Variants in OR1J2 observed in about 807,000 individuals in gnomAD.
OR1J2 encodes the protein olfactory receptor family 1 subfamily J member 2.
For missense variants in OR1J2, 304 were observed against 246.1 expected, an observed-to-expected ratio of 1.24 and a Z score of -1.57; for synonymous variants, 142 against 99.7, an observed-to-expected ratio of 1.42 and a Z score of -2.52.
the OR1J2 span, among the ~76,000 whole-genome samples, chr9:122,494,293 A>G: frequency 6.6e-6 from 1 of 152,090 alleles, no homozygotes. Context: ...AAAGTGCCCC[A>G]CTATTGTTGT....
chr9:122,467,513 C>T, the OR1J2 span, among the ~76,000 whole-genome samples: 3 of 152,166 alleles, frequency 2.0e-5, no homozygotes, highest in Non-Finnish European at 4.4e-5. Flanking sequence ...AATAATGTCA[C>T]TCATTTAGTG....
At chr9:122,514,153 T>C (rs1214449024), downstream of OR1J2, among the ~76,000 whole-genome samples, 1 of 152,218 alleles carries the variant, frequency 6.6e-6, no homozygotes, top group Non-Finnish European at 1.5e-5. Context: ...ATTTCAACTT[T>C]TGTTTGACAT....
chr9:122,539,353 G>A, the OR1J2 span, among the ~76,000 whole-genome samples: 13 of 152,090 alleles, frequency 8.5e-5, no homozygotes, highest in Admixed American at 7.2e-4. Context: ...CTATGAGTGA[G>A]AACATGCGGT....
chr9:122,567,916 A>C, the OR1J2 span: 1 of 1,614,004 alleles, frequency 6.2e-7, no homozygotes, highest in East Asian at 2.2e-5. Flanking sequence ...GAGCAGGACA[A>C]TTTCAGCACA....
the OR1J2 span, among the ~76,000 whole-genome samples, chr9:122,565,573 A>G: frequency 5.3e-5 from 8 of 152,268 alleles, no homozygotes; most frequent in South Asian, 1.0e-3. Context: ...GAGCCCCCCA[A>G]TGGCACCATT....
At chr9:122,477,419 C>G in the OR1J2 span, 2 of 1,613,954 alleles carry the variant, frequency 1.2e-6, no homozygotes, top group Admixed American at 3.3e-5. Flanking sequence ...ATGTGGTCAG[C>G]ACAGAAGGAA....
the OR1J2 span, chr9:122,475,678 C>G: frequency 6.6e-6 from 1 of 152,156 alleles, no homozygotes; most frequent in African/African-American, 2.4e-5. Context: ...ACTTTAATAT[C>G]TGTTGTCTCC....
At chr9:122,553,071 T>A in the OR1J2 span, 8,344 of 819,270 alleles carry the variant, frequency 0.01, 66 homozygotes, top group Non-Finnish European at 0.014. Context: ...AGATTCTTAT[T>A]GGCAAAGACC....
At chr9:122,487,212 T>C in the OR1J2 span, among the ~76,000 whole-genome samples, 229 of 152,310 alleles carry the variant, frequency 1.5e-3, no homozygotes, top group East Asian at 0.018. Flanking sequence ...CATGTAGGTA[T>C]GTTTATAACT....
At chr9:122,520,570 C>T in the OR1J2 span, among the ~76,000 whole-genome samples, 1 of 152,160 alleles carries the variant, frequency 6.6e-6, no homozygotes, top group East Asian at 1.9e-4. Context: ...TCAGCTGTTC[C>T]ACTTCAGAAC....
the OR1J2 span, among the ~76,000 whole-genome samples, chr9:122,476,769 G>A: frequency 2.6e-5 from 4 of 151,750 alleles, no homozygotes; most frequent in African/African-American, 4.8e-5. Flanking sequence ...GCAGTGGCAC[G>A]ATCTTGGCTC....
the OR1J2 span, among the ~76,000 whole-genome samples, chr9:122,539,030 A>G: frequency 6.6e-6 from 1 of 152,170 alleles, no homozygotes; most frequent in African/African-American, 2.4e-5. Flanking sequence ...AAGTTAAAAA[A>G]AATACAAAGA....
At chr9:122,562,757 GA>G in the OR1J2 span, among the ~76,000 whole-genome samples, 1 of 152,166 alleles carries the variant, frequency 6.6e-6, no homozygotes. Context: ...AAATAAGTGA[GA>G]ATATGGGTAT....
chr9:122,490,991 A>G, the OR1J2 span, among the ~76,000 whole-genome samples: 1 of 152,194 alleles, frequency 6.6e-6, no homozygotes, highest in African/African-American at 2.4e-5. Flanking sequence ...CATTAGGAGA[A>G]GATGACAGTC....
the OR1J2 span, among the ~76,000 whole-genome samples, chr9:122,448,210 T>C: frequency 3.3e-5 from 5 of 152,112 alleles, no homozygotes; most frequent in African/African-American, 1.2e-4. Context: ...GGAATCTGTG[T>C]CACAAATAAA....
the OR1J2 span, among the ~76,000 whole-genome samples, chr9:122,488,749 C>A: frequency 6.6e-6 from 1 of 152,046 alleles, no homozygotes; most frequent in East Asian, 1.9e-4. Flanking sequence ...TTCATTATTT[C>A]TTTGAATAAT....
chr9:122,465,447 C>G, the OR1J2 span, among the ~76,000 whole-genome samples: 1 of 152,140 alleles, frequency 6.6e-6, no homozygotes, highest in African/African-American at 2.4e-5. Flanking sequence ...CCTGCAGGCT[C>G]TATGTTTTAA....
chr9:122,464,453 C>T, the OR1J2 span, among the ~76,000 whole-genome samples: 3 of 152,242 alleles, frequency 2.0e-5, no homozygotes, highest in African/African-American at 7.2e-5. Flanking sequence ...CAGCAGCAAT[C>T]CACCTCCCTC....
chr9:122,530,273 T>G, the OR1J2 span, among the ~76,000 whole-genome samples: 1 of 152,174 alleles, frequency 6.6e-6, no homozygotes, highest in African/African-American at 2.4e-5. Flanking sequence ...CACATTGCAC[T>G]GTGATCCCAC....
Sources: allele counts gnomAD v4.1 joint callset (sites outside exome capture counted in the v4.1 genomes callset), GRCh38; gene constraint gnomAD v4.1.1; transcripts MANE v1.5; gene names NCBI Gene and HGNC (gene_info 2026-07-23, HGNC 2026-07-21).